The following TTYH1 variants were observed in gnomAD, a reference collection of about 807,000 sequenced individuals.
TTYH1 encodes tweety family member 1, also known as protein tweety homolog 1.
In TTYH1, 33 loss-of-function variants were observed where a neutral mutation model predicts 61.2. The observed-to-expected ratio is 0.54, with a 90% CI of 0.41 to 0.72. TTYH1 has a LOEUF of 0.72. Ranked by LOEUF, TTYH1 falls within the 30% of genes least tolerant of loss-of-function variation. The pLI is 0.00. For missense variants in TTYH1, 538 were observed against 575.8 expected, an observed-to-expected ratio of 0.93 and a Z score of 0.67; for synonymous variants, 308 against 266.4, an observed-to-expected ratio of 1.16 and a Z score of -1.52.
At chr19:54,425,240 TGCGACGGCG>T (rs1839193722) in intron 4 of TTYH1, among the ~76,000 whole-genome samples, 1 of 152,118 alleles carries the variant, frequency 6.6e-6, no homozygotes, top group South Asian at 2.1e-4. Context: ...GCGGCGGGTC[TGCGACGGCG>T]GCAAACAGCA....
rs372055077 is a variant in TTYH1 at position 54,421,232 on chromosome 19, G to C, written c.306-45G>C. 1.0e-5 allele frequency: 14 copies of C among 1,360,908 alleles called. No homozygotes were observed. Among genetic ancestry groups the C allele is most frequent in the African/African-American group, 1.4e-5 (1 of 69,976 alleles). 84.3% of individuals were successfully genotyped at this position (1,360,908 alleles called of 1,614,324 possible). A position where few individuals can be genotyped will look rare whatever the true frequency, so the allele number is the denominator to read the frequency against. ...GGTGGGAGGGGACGGTGGCCCCCGG[G>C]GTCCTGGGACCCGCTGAGATTCCTC... On this transcript the variant is annotated intron_variant, in intron 2 of 13. Transcript: ENST00000376530. The surrounding 1 kb of genome is among the most constrained non-coding windows in gnomAD (Gnocchi z 4.8).
rs897242203 is a variant in TTYH1, at chr19:54,434,707, G to C, written c.1126-835G>C. 8.5e-5 allele frequency: 13 copies of C among 152,366 alleles called. No homozygotes were observed. Among genetic ancestry groups the C allele is most frequent in the African/African-American group, 3.1e-4 (13 of 41,450 alleles). 9.4% of individuals were successfully genotyped at this position (152,366 alleles called of 1,614,324 possible). A position where few individuals can be genotyped will look rare whatever the true frequency, so the allele number is the denominator to read the frequency against. Reference sequence around the variant, plus strand: ...TGATTTCTTGGGACGACAGTCATCAGAGCCAGCATTTGTTGGCATGTTGAG... The same window carrying C: ...TGATTTCTTGGGACGACAGTCATCACAGCCAGCATTTGTTGGCATGTTGAG... On this transcript the variant is annotated intron_variant, in intron 10 of 13. Transcript: ENST00000376530. This position sits in a 1 kb window ranked among gnomAD's most constrained non-coding sequence, Gnocchi z 4.3.
Position 54,415,691 on chromosome 19 carries a change from G to A in TTYH1, c.126+13G>A. 6.5e-7 allele frequency: 1 copy of A among 1,537,930 alleles called. No individual in the cohort carries two copies. Among genetic ancestry groups the A allele is most frequent in the Non-Finnish European group, 8.7e-7 (1 of 1,148,870 alleles). On this transcript the variant is annotated intron_variant, in intron 1 of 13. Transcript: ENST00000376530. The surrounding 1 kb of genome is among the most constrained non-coding windows in gnomAD (Gnocchi z 5.2). ...GGAATACCAGCAGGTGGGACCGGGC[G>A]CCAGGGCCTGGGGGCCAGGGCTGGG...
At chr19:54,430,470 C>G (rs1319711835) in intron 7 of TTYH1, 80 bp from the exon 8 acceptor site, 25 of 1,511,038 alleles carry the variant, frequency 1.7e-5, no homozygotes, top group Non-Finnish European at 2.2e-5. Context: ...CCTGCTAACC[C>G]CCCAGTGCCC....
chr19:54,430,475 G>C (rs990907243), intron 7 of TTYH1, 75 bp from the exon 8 acceptor site: 1 of 1,540,028 alleles, frequency 6.5e-7, no homozygotes, highest in Admixed American at 1.7e-5. Context: ...TAACCCCCCA[G>C]TGCCCGGCCT....
chr19:54,436,561 C>G lies in TTYH1; in HGVS notation c.*271C>G. 2 of 643,480 alleles carry G rather than the reference C, an allele frequency of 3.1e-6. No individual in the cohort carries two copies. Among genetic ancestry groups the G allele is most frequent in the South Asian group, 3.6e-5 (2 of 55,170 alleles). 39.9% of individuals were successfully genotyped at this position (643,480 alleles called of 1,614,324 possible). On this transcript the variant is annotated 3_prime_UTR_variant, in exon 14 of 14. Coordinates refer to ENST00000376530, the MANE Select transcript of TTYH1 (RefSeq NM_020659.4). The surrounding 1 kb of genome is among the most constrained non-coding windows in gnomAD (Gnocchi z 4.3). ...CCTCGCACCCTTCATCCCTGGCTGC[C>G]GGTCCCATCCTTGGAGGGACTAAGC...
rs1372910760 is a variant in TTYH1, at chr19:54,422,224, T to G, written c.452T>G (p.Val151Gly). The G allele has an allele frequency of 6.4e-7, 1 of 1,565,044 alleles. No homozygotes were observed. The highest frequency in any genetic ancestry group is 1.2e-5 in the South Asian group (1 of 85,126). ...ACGGTGGAGAGGCTGGGCGAGGCGG[T>G]GAGGACAGAGCTGACCACCCTGGAG... ...LETVERLGEA[V>G]RTELTTLEEV... Residue 151 changes from valine to glycine, a missense_variant, in exon 4 of 14, where the codon GTG becomes GGG. This residue lies in a region of TTYH1 where 378 missense variants were observed against 401.2 expected (regional missense o/e 0.94). Coordinates refer to ENST00000376530, the MANE Select transcript of TTYH1 (RefSeq NM_020659.4).
At chr19:54,422,068 C>T (rs1047918992) in intron 3 of TTYH1, 122 bp from the exon 4 acceptor site, 2 of 755,246 alleles carry the variant, frequency 2.6e-6, no homozygotes, top group African/African-American at 3.5e-5. Context: ...TCAGATGTCC[C>T]AGACTCCAGA....
intron 1 of TTYH1, among the ~76,000 whole-genome samples, chr19:54,417,387 C>T (rs1385273842): frequency 6.6e-6 from 1 of 151,712 alleles, no homozygotes; most frequent in Non-Finnish European, 1.5e-5. Context: ...TACACACACA[C>T]GCCCACCTAC....
chr19:54,432,870 A>G (rs28604409), intron 10 of TTYH1: 30,662 of 152,188 alleles, frequency 0.2, 3,335 homozygotes, highest in Middle Eastern at 0.35. Context: ...ACGCCATCGC[A>G]TGGATCTGAG....
Position 54,420,212 on chromosome 19 carries a change from C to T in TTYH1, c.305+906C>T, listed in dbSNP as rs1220339540. Among the ~76,000 whole-genome samples, 2 of 152,190 alleles carry T rather than the reference C, an allele frequency of 1.3e-5. No homozygotes were observed. Among genetic ancestry groups the T allele is most frequent in the Non-Finnish European group, 2.9e-5 (2 of 68,028 alleles). On this transcript the variant is annotated intron_variant, in intron 2 of 13. Coordinates refer to ENST00000376530, the MANE Select transcript of TTYH1 (RefSeq NM_020659.4). This position sits in a 1 kb window ranked among gnomAD's most constrained non-coding sequence, Gnocchi z 4.8. ...GGCAGCACCCACAGGTTGCAGACAG[C>T]AATCCTCTTCCACAGACGGGGGGTC...
rs1457090065 is a variant in TTYH1, at chr19:54,421,057, A to G, written c.306-220A>G. On this transcript the variant is annotated intron_variant, in intron 2 of 13. Coordinates refer to ENST00000376530, the MANE Select transcript of TTYH1 (RefSeq NM_020659.4). The surrounding 1 kb of genome is among the most constrained non-coding windows in gnomAD (Gnocchi z 4.8). ...CACTCCACCCACCATTAACATCACAATGACGTCCCTCCGCTGGGGGAGTGA... is the reference window on the plus strand; with the variant it reads ...CACTCCACCCACCATTAACATCACAGTGACGTCCCTCCGCTGGGGGAGTGA... Among the ~76,000 whole-genome samples, 1 of 152,018 alleles carries G rather than the reference A, an allele frequency of 6.6e-6. No homozygotes were observed. The highest frequency in any genetic ancestry group is 6.5e-5 in the Admixed American group (1 of 15,270).
chr19:54,426,853 G>C (rs1310794728), intron 5 of TTYH1, 85 bp downstream of exon 5: 3 of 1,240,934 alleles, frequency 2.4e-6, no homozygotes. Context: ...CTCCTACACG[G>C]AGGACCGTGG....
intron 4 of TTYH1, among the ~76,000 whole-genome samples, chr19:54,425,556 C>A (rs1302286773): frequency 6.6e-6 from 1 of 152,024 alleles, no homozygotes; most frequent in Non-Finnish European, 1.5e-5. Context: ...AATTGCATGC[C>A]CCGTGTTTAA....
intron 4 of TTYH1, 38 bp downstream of exon 4, chr19:54,422,448 T>G (rs1372459727): frequency 7.5e-6 from 11 of 1,469,986 alleles, no homozygotes; most frequent in African/African-American, 1.4e-5. Context: ...TGCCGGCAGC[T>G]CTCAGGCGGA....
intron 4 of TTYH1, among the ~76,000 whole-genome samples, chr19:54,424,438 C>T (rs1260615210): frequency 5.3e-5 from 8 of 152,228 alleles, no homozygotes; most frequent in Admixed American, 1.3e-4. Context: ...TGCGCTCCAG[C>T]GGGGAAGGCC....
chr19:54,430,982 A>G (rs1599912499), intron 9 of TTYH1, 77 bp downstream of exon 9: 1 of 1,327,212 alleles, frequency 7.5e-7, no homozygotes, highest in Non-Finnish European at 1.0e-6. Flanking sequence ...TGTGGGGCGT[A>G]GGCGGGGCTG....
In TTYH1 at chr19:54,419,904, C is replaced by G. The variant is rs188833430; in HGVS notation, c.305+598C>G. 1.3e-5 allele frequency among the ~76,000 whole-genome samples: 2 copies of G among 152,168 alleles called. No homozygotes were observed. Among genetic ancestry groups the G allele is most frequent in the African/African-American group, 2.4e-5 (1 of 41,432 alleles). ...GACGGACGATAAATAGATATAATCA[C>G]CCTCCAAGAGCACCTCATCTGTGCC... On this transcript the variant is annotated intron_variant, in intron 2 of 13. Transcript: ENST00000376530. The surrounding 1 kb of genome is among the most constrained non-coding windows in gnomAD (Gnocchi z 6.1).
Position 54,417,050 on chromosome 19 carries a change from C to T in TTYH1, c.126+1372C>T, listed in dbSNP as rs1331479299. ...GGGACCCCTGCAGGGACGCGACCACCGTGGGTACAGCTGCAGACACAGCCA... is the reference window on the plus strand; with the variant it reads ...GGGACCCCTGCAGGGACGCGACCACTGTGGGTACAGCTGCAGACACAGCCA... On this transcript the variant is annotated intron_variant, in intron 1 of 13. Transcript: ENST00000376530. 8.0e-6 allele frequency: 6 copies of T among 749,522 alleles called. No homozygotes were observed. The East Asian group carries it at 3.7e-4, about 46-fold the overall frequency. The allele number at this position is 749,522 out of a possible 1,614,324, so 46.4% of individuals were successfully genotyped here.
Sources: gnomAD v4.1 joint callset for allele counts (sites outside exome capture counted in the v4.1 genomes callset) on GRCh38, gnomAD v4.1.1 for gene constraint, gnomAD v4.1.1 regional missense constraint, Gnocchi (gnomAD v3.1) non-coding constraint, MANE v1.5 for transcripts, NCBI Gene and HGNC (gene_info 2026-07-23, HGNC 2026-07-21) for gene names.